Variants in VCAN observed in about 807,000 individuals in gnomAD.
The protein encoded by VCAN is versican core protein.
VCAN carries 44 observed loss-of-function variants against 245.5 expected under a neutral mutation model. The ratio of observed to expected loss-of-function variants is 0.18; its 90% CI spans 0.14 to 0.23. The LOEUF (loss-of-function observed/expected upper bound fraction) is 0.23. Ranked by LOEUF, VCAN falls within the 10% of genes least tolerant of loss-of-function variation. The pLI is 1.00. For missense variants in VCAN, 3,793 were observed against 4,057.9 expected, an observed-to-expected ratio of 0.93 and a Z score of 1.77; for synonymous variants, 1,413 against 1,437.0, an observed-to-expected ratio of 0.98 and a Z score of 0.38.
chr5:83,494,281 C>T (rs184915205), intron 5 of VCAN, among the ~76,000 whole-genome samples: 11 of 152,272 alleles, frequency 7.2e-5, no homozygotes, highest in Admixed American at 3.3e-4. Flanking sequence ...CATGTGATGA[C>T]AATCCACTGT....
Position 83,539,848 on chromosome 5 carries a change from C to G in VCAN, c.6845C>G (p.Thr2282Arg). ...ACTGAAGTGGAACAAATCAATAACA[C>G]ATTATATCCCCACACTTCTCAAGTG... ...NFTEVEQINNTLYPHTSQVES... is the reference protein window; with the variant it reads ...NFTEVEQINNRLYPHTSQVES... Residue 2282 changes from threonine to arginine, a missense_variant, in exon 8 of 15, where the codon ACA becomes AGA. Thr to Arg is a moderately conservative substitution (Grantham distance 71). Around this residue, in one of 5 missense-constraint regions of VCAN, gnomAD observed 3,182 missense variants for 3,250.3 expected, o/e 0.98. Transcript: ENST00000265077. 6.2e-7 allele frequency: 1 copy of G among 1,614,028 alleles called. No homozygotes were observed. Among genetic ancestry groups the G allele is most frequent in the Admixed American group, 1.7e-5 (1 of 59,982 alleles).
chr5:83,473,808 G>C lies in VCAN; in HGVS notation c.-7+1785G>C, dbSNP rs544978690. Among the ~76,000 whole-genome samples, 8 of 152,328 alleles carry C rather than the reference G, an allele frequency of 5.3e-5. No homozygotes were observed. The East Asian group carries it at 1.5e-3, about 29-fold the overall frequency. On this transcript the variant is annotated intron_variant, in intron 1 of 14. Coordinates refer to ENST00000265077, the MANE Select transcript of VCAN (RefSeq NM_004385.5). ...CATCTTTCACAACCTTGTGTTCAAG[G>C]ATGGAAGGCCCTAGTTTTCCCTTAA...
chr5:83,532,045 T>A (rs1017934208), intron 7 of VCAN, among the ~76,000 whole-genome samples: 2 of 152,160 alleles, frequency 1.3e-5, no homozygotes, highest in Admixed American at 1.3e-4. Flanking sequence ...ACTAAGAGCT[T>A]CATCTAAGAG....
chr5:83,523,408 T>C (rs1235902725), intron 7 of VCAN, among the ~76,000 whole-genome samples: 2 of 24,014 alleles, frequency 8.3e-5, no homozygotes, highest in Non-Finnish European at 1.1e-4. Flanking sequence ...GATAGAAGAT[T>C]TTTTTTTTTT....
intron 6 of VCAN, among the ~76,000 whole-genome samples, chr5:83,517,104 A>T (rs1712558536): frequency 6.6e-6 from 1 of 152,222 alleles, no homozygotes; most frequent in Admixed American, 6.5e-5. Flanking sequence ...TCTAGGACAT[A>T]TTGCTACCAC....
Position 83,538,798 on chromosome 5 carries a change from A to G in VCAN, c.5795A>G (p.Glu1932Gly). The G allele has an allele frequency of 6.2e-7, 1 of 1,613,946 alleles. No individual in the cohort carries two copies. The highest frequency in any genetic ancestry group is 8.5e-7 in the Non-Finnish European group (1 of 1,179,954). The change falls in exon 8 of 15, where the codon GAA becomes GGA. Residue 1932 changes from glutamate (E) to glycine (G), a missense_variant. Physicochemically the swap from Glu to Gly is moderately conservative, Grantham distance 98. Around this residue, in one of 5 missense-constraint regions of VCAN, gnomAD observed 3,182 missense variants for 3,250.3 expected, o/e 0.98. Coordinates refer to ENST00000265077, the MANE Select transcript of VCAN (RefSeq NM_004385.5). Reference protein sequence around the residue: ...RGFSTGFPLEEDFSGDFREYS... With the variant: ...RGFSTGFPLEGDFSGDFREYS... ...TTTTCCACAGGTTTTCCTTTGGAGG[A>G]AGATTTCAGTGGTGACTTTAGAGAA...
chr5:83,475,649 A>T (rs1398123411), intron 1 of VCAN, among the ~76,000 whole-genome samples: 1 of 152,172 alleles, frequency 6.6e-6, no homozygotes, highest in Non-Finnish European at 1.5e-5. Flanking sequence ...TCTTGTTCTG[A>T]GCTCTGAGTA....
rs1373298502 is a variant in VCAN, at chr5:83,545,666, G to A, written c.9379+16G>A. On this transcript the variant is annotated intron_variant, in intron 9 of 14. Transcript: ENST00000265077. The stretch of plus-strand genomic sequence containing the variant: ...TGTGAACTTGGTAAGATGGTACTTG[G>A]CTGAAAAGGTGCAGTTCTTTCACAG... 1 of 1,585,256 alleles carries A rather than the reference G, an allele frequency of 6.3e-7. No homozygotes were observed. The highest frequency in any genetic ancestry group is 1.3e-5 in the African/African-American group (1 of 74,272).
At chr5:83,488,326 A>G (rs1744856502) in intron 2 of VCAN, among the ~76,000 whole-genome samples, 1 of 152,240 alleles carries the variant, frequency 6.6e-6, no homozygotes. Flanking sequence ...ACTTATAGAA[A>G]TAGGATGCAT....
intron 7 of VCAN, among the ~76,000 whole-genome samples, chr5:83,523,827 G>A (rs1210851142): frequency 6.6e-6 from 1 of 152,038 alleles, no homozygotes; most frequent in Non-Finnish European, 1.5e-5. Context: ...GTAGGAAAAA[G>A]AAAATGAATT....
At chr5:83,536,647 G>A (rs1183070729) in intron 7 of VCAN, 1 of 161,494 alleles carries the variant, frequency 6.2e-6, no homozygotes, top group African/African-American at 2.4e-5. Context: ...GTTTTTATAT[G>A]AAATAGTCTT....
At chr5:83,486,051 T>C (rs561692297) in intron 2 of VCAN, among the ~76,000 whole-genome samples, 7 of 152,160 alleles carry the variant, frequency 4.6e-5, no homozygotes, top group Admixed American at 2.6e-4. Context: ...GGAGAATTGT[T>C]GATCACAGGG....
chr5:83,519,644 T>G lies in VCAN; in HGVS notation c.1338T>G (p.Pro446=). 6.2e-7 allele frequency: 1 copy of G among 1,614,162 alleles called. No individual in the cohort carries two copies. Among genetic ancestry groups the G allele is most frequent in the Non-Finnish European group, 8.5e-7 (1 of 1,179,996 alleles). Residue 446 remains proline, a synonymous_variant, in exon 7 of 15, where the codon CCT becomes CCG. Transcript: ENST00000265077. The part of the protein sequence containing the change: ...MDDYSPSASG[P]LGKLDISEIK... ...ACTACTCACCTTCTGCTTCAGGACC[T>G]CTTGGAAAGCTAGACATATCAGAAA...
At chr5:83,485,312 G>A (rs564004453) in intron 2 of VCAN, among the ~76,000 whole-genome samples, 1 of 151,914 alleles carries the variant, frequency 6.6e-6, no homozygotes, top group Non-Finnish European at 1.5e-5. Context: ...GCTGAGACAG[G>A]AGAATTGTTT....
In VCAN at chr5:83,520,642, A is replaced by C. The variant is rs1319022888; in HGVS notation, c.2336A>C (p.Tyr779Ser). 4 of 1,613,890 alleles carry C rather than the reference A, an allele frequency of 2.5e-6. No individual in the cohort carries two copies. The highest frequency in any genetic ancestry group is 3.4e-6 in the Non-Finnish European group (4 of 1,179,986). The change falls in exon 7 of 15, where the codon TAT becomes TCT. Residue 779 changes from tyrosine (Y) to serine (S), a missense_variant. Transcript: ENST00000265077. ...ACAGCAACTCCAGGTACTACAAAAT[A>C]TGATGAAAATATTACAACAGTGCTT... ...DFTATPGTTKYDENITTVLLA... is the reference protein window; with the variant it reads ...DFTATPGTTKSDENITTVLLA...
intron 7 of VCAN, among the ~76,000 whole-genome samples, chr5:83,524,558 A>G (rs1267540850): frequency 1.3e-5 from 2 of 151,146 alleles, no homozygotes; most frequent in South Asian, 2.1e-4. Context: ...CTACCTACCT[A>G]CCTACCTACC....
At chr5:83,516,017 G>T (rs943350682) in intron 6 of VCAN, among the ~76,000 whole-genome samples, 1 of 152,176 alleles carries the variant, frequency 6.6e-6, no homozygotes, top group Non-Finnish European at 1.5e-5. Context: ...CGGATCATGA[G>T]GTCAGGAGAT....
At chr5:83,501,899 A>G (rs1745339723) in intron 5 of VCAN, among the ~76,000 whole-genome samples, 1 of 152,146 alleles carries the variant, frequency 6.6e-6, no homozygotes, top group South Asian at 2.1e-4. Flanking sequence ...TCTTAGAAAT[A>G]TTATGTCTTC....
intron 6 of VCAN, 165 bp downstream of exon 6, chr5:83,512,561 A>G: frequency 3.3e-6 from 3 of 911,354 alleles, no homozygotes; most frequent in Non-Finnish European, 3.2e-6. Flanking sequence ...AACAGCAGTG[A>G]TATGGTTAAA....
Sources: allele counts gnomAD v4.1 joint callset (sites outside exome capture counted in the v4.1 genomes callset), GRCh38; gene constraint gnomAD v4.1.1; regional missense constraint gnomAD v4.1.1; transcripts MANE v1.5; gene names NCBI Gene and HGNC (gene_info 2026-07-23, HGNC 2026-07-21).